MED15: variants seen among roughly 807,000 people sequenced by gnomAD.
MED15 encodes the protein mediator complex subunit 15, also known as mediator of RNA polymerase II transcription subunit 15.
MED15 carries 41 observed loss-of-function variants against 118.7 expected under a neutral mutation model. That is an observed-to-expected ratio of 0.35 (90% CI 0.27 to 0.45). The LOEUF (loss-of-function observed/expected upper bound fraction) is 0.45. Ranked by LOEUF, MED15 falls within the 20% of genes least tolerant of loss-of-function variation. MED15 has a pLI of 1.00. For missense variants in MED15, 740 were observed against 1,025.5 expected, an observed-to-expected ratio of 0.72 and a Z score of 3.80; for synonymous variants, 436 against 413.9, an observed-to-expected ratio of 1.05 and a Z score of -0.65.
At chr22:20,525,404 G>T (rs1443688537) in intron 1 of MED15, among the ~76,000 whole-genome samples, 1 of 152,034 alleles carries the variant, frequency 6.6e-6, no homozygotes, top group African/African-American at 2.4e-5. Context: ...GTGGAGATGG[G>T]GTTTCGCCAT....
intron 5 of MED15, among the ~76,000 whole-genome samples, chr22:20,561,623 G>A (rs1224750970): frequency 6.6e-6 from 1 of 152,068 alleles, no homozygotes; most frequent in Non-Finnish European, 1.5e-5. Context: ...CTGAAAGATA[G>A]GAAATGTGAG....
chr22:20,507,671 GAAC>G lies in MED15; in HGVS notation c.-6_-4del, dbSNP rs777305777. 1 of 1,614,028 alleles carries G rather than the reference GAAC, an allele frequency of 6.2e-7. No individual in the cohort carries two copies. The highest frequency in any genetic ancestry group is 8.5e-7 in the Non-Finnish European group (1 of 1,179,916). ...CGGGATACGGGCGGCGGGAGCTGGG[GAAC>G]AGGCATGGACGTTTCCGGGCAAGAG... On this transcript the variant is annotated 5_prime_UTR_variant, in exon 1 of 18. Coordinates refer to ENST00000263205, the MANE Select transcript of MED15 (RefSeq NM_001003891.3).
chr22:20,574,510 C>T (rs908513676), intron 8 of MED15: 2 of 152,426 alleles, frequency 1.3e-5, no homozygotes, highest in African/African-American at 4.8e-5. Context: ...TCACCTTTGC[C>T]CATTTTTATT....
chr22:20,571,497 C>T (rs989643184), intron 8 of MED15, among the ~76,000 whole-genome samples: 5 of 152,224 alleles, frequency 3.3e-5, no homozygotes, highest in Non-Finnish European at 7.3e-5. Context: ...CAAAGTCCAG[C>T]AGTGGGTAGG....
At chr22:20,558,999 T>G (rs964672882) in intron 5 of MED15, among the ~76,000 whole-genome samples, 1 of 151,488 alleles carries the variant, frequency 6.6e-6, no homozygotes, top group African/African-American at 2.4e-5. Flanking sequence ...TATAAAGAAA[T>G]AAAGTGGAGA....
intron 4 of MED15, among the ~76,000 whole-genome samples, chr22:20,553,410 CT>C (rs1358746744): frequency 1.3e-5 from 2 of 152,220 alleles, no homozygotes; most frequent in African/African-American, 4.8e-5. Flanking sequence ...CAAATGCTGC[CT>C]TTGCCCAGCA....
chr22:20,577,131 C>G (rs1347974218), intron 9 of MED15, among the ~76,000 whole-genome samples: 2 of 152,162 alleles, frequency 1.3e-5, no homozygotes, highest in Non-Finnish European at 2.9e-5. Context: ...CCCCAGGGAG[C>G]CACCAAGTCA....
At chr22:20,535,805 C>T (rs553673286) in intron 1 of MED15, among the ~76,000 whole-genome samples, 5 of 151,292 alleles carry the variant, frequency 3.3e-5, no homozygotes, top group South Asian at 2.1e-4. Flanking sequence ...GTGATCTGCC[C>T]GCCTTGGCCT....
chr22:20,529,361 C>T (rs1489834500), intron 1 of MED15, among the ~76,000 whole-genome samples: 2 of 152,032 alleles, frequency 1.3e-5, no homozygotes, highest in Non-Finnish European at 2.9e-5. Context: ...GATTCTCTTG[C>T]CTCAGCTTCC....
chr22:20,508,034 T>C, intron 1 of MED15: 1 of 1,390,420 alleles, frequency 7.2e-7, no homozygotes, highest in East Asian at 2.8e-5. Context: ...GTGCAGACTT[T>C]CCCCCGCTTT....
rs749884434 is a variant in MED15 at position 20,564,609 on chromosome 22, T to TGCAGCA, written c.623_628dup (p.Gln208_Gln209dup). On this transcript the variant is annotated inframe_insertion, in exon 6 of 18. Transcript: ENST00000263205. ...ATGCAGCAGCAGTTCCAAGCAGTAG[T>TGCAGCA]GCAGCAGCAGCAGCAGCTCCAGCAG... The TGCAGCA allele has an allele frequency of 5.0e-6, 8 of 1,607,916 alleles. No homozygotes were observed. Among genetic ancestry groups the TGCAGCA allele is most frequent in the African/African-American group, 1.3e-5 (1 of 74,530 alleles).
At chr22:20,567,031 G>A (rs962322614) in intron 7 of MED15, among the ~76,000 whole-genome samples, 2 of 152,164 alleles carry the variant, frequency 1.3e-5, no homozygotes, top group Admixed American at 6.5e-5. Context: ...TCTGCACCCC[G>A]CACAGGGTAC....
intron 5 of MED15, among the ~76,000 whole-genome samples, chr22:20,559,262 G>A (rs530827974): frequency 6.6e-6 from 1 of 152,286 alleles, no homozygotes; most frequent in South Asian, 2.1e-4. Flanking sequence ...GAAAGCTGTA[G>A]AAATGAGCAA....
At chr22:20,529,525 A>G (rs909581990) in intron 1 of MED15, among the ~76,000 whole-genome samples, 1 of 152,212 alleles carries the variant, frequency 6.6e-6, no homozygotes, top group Non-Finnish European at 1.5e-5. Flanking sequence ...CCCAGGTTCA[A>G]GTGATTCTCC....
chr22:20,565,430 T>G lies in MED15; in HGVS notation c.690+742T>G, dbSNP rs577424673. Reference sequence around the variant, plus strand: ...GGCTCAGTGTTAGTCGACCTCCAGCTGGTGTTGCATGAGGTGATGGTGATG... The same window carrying G: ...GGCTCAGTGTTAGTCGACCTCCAGCGGGTGTTGCATGAGGTGATGGTGATG... On this transcript the variant is annotated intron_variant, in intron 6 of 17. Coordinates refer to ENST00000263205, the MANE Select transcript of MED15 (RefSeq NM_001003891.3). Among the ~76,000 whole-genome samples the G allele has an allele frequency of 3.3e-5, 5 of 152,362 alleles. No individual in the cohort carries two copies. In the East Asian group the frequency reaches 9.6e-4, roughly 29 times the overall value.
chr22:20,547,775 A>T (rs538913444), intron 2 of MED15, among the ~76,000 whole-genome samples: 2 of 152,274 alleles, frequency 1.3e-5, no homozygotes, highest in African/African-American at 4.8e-5. Flanking sequence ...GTGAACTGAG[A>T]TTGCACCACT....
chr22:20,529,693 G>A (rs555795796), intron 1 of MED15, among the ~76,000 whole-genome samples: 4 of 152,154 alleles, frequency 2.6e-5, no homozygotes, highest in Admixed American at 6.5e-5. Context: ...TTTGCCTCCC[G>A]GGTTCAAGCC....
At chr22:20,545,551 CA>C (rs1260574999) in intron 2 of MED15, among the ~76,000 whole-genome samples, 2 of 151,504 alleles carry the variant, frequency 1.3e-5, no homozygotes, top group South Asian at 4.2e-4. Flanking sequence ...AATGTAGTAC[CA>C]AAAACCATTG....
At chr22:20,564,123 A>G (rs920364768) in intron 5 of MED15, among the ~76,000 whole-genome samples, 1 of 152,222 alleles carries the variant, frequency 6.6e-6, no homozygotes, top group Non-Finnish European at 1.5e-5. Context: ...CATTCGTACA[A>G]AGAGTCCGGA....
Sources: allele counts gnomAD v4.1 joint callset (sites outside exome capture counted in the v4.1 genomes callset), GRCh38; gene constraint gnomAD v4.1.1; transcripts MANE v1.5; gene names NCBI Gene and HGNC (gene_info 2026-07-23, HGNC 2026-07-21).